Variants in SLC9A4 observed in about 807,000 individuals in gnomAD.
SLC9A4 encodes sodium/hydrogen exchanger 4.
A neutral mutation model predicts 67.4 loss-of-function variants in SLC9A4; 63 were observed. That is an observed-to-expected ratio of 0.93 (90% CI 0.76 to 1.15). The LOEUF is 1.15. SLC9A4 is among the 50% of genes most tolerant of loss of function. The probability of loss-of-function intolerance (pLI) is 0.00; values close to 1 mark genes in which losing one functional copy is unlikely to be tolerated. For synonymous variants in SLC9A4, 393 were observed against 367.2 expected (o/e 1.07, Z -0.80); for missense variants, 1,089 against 987.7 (o/e 1.10, Z -1.38).
At chr2:102,517,612 T>C (rs568358467) in intron 8 of SLC9A4, among the ~76,000 whole-genome samples, 4 of 152,308 alleles carry the variant, frequency 2.6e-5, no homozygotes, top group Admixed American at 6.5e-5. Context: ...TGAATGTTTC[T>C]AACATAAAGA....
chr2:102,528,837 A>G (rs1451969356), intron 11 of SLC9A4, among the ~76,000 whole-genome samples: 2 of 152,216 alleles, frequency 1.3e-5, no homozygotes, highest in Non-Finnish European at 2.9e-5. Context: ...AGGATATCTC[A>G]GTCACACTTT....
At position 102,520,003 on chromosome 2, in the gene SLC9A4, A is replaced by G. The variant is rs1487210981; in HGVS notation, c.1818+48A>G. 5 of 1,525,218 alleles carry G rather than the reference A, an allele frequency of 3.3e-6. No homozygotes were observed. In the African/African-American group the frequency reaches 6.8e-5, roughly 21 times the overall value. The allele number at this position is 1,525,218 out of a possible 1,614,324, so 94.5% of individuals were successfully genotyped here. A position where few individuals can be genotyped will look rare whatever the true frequency, so the allele number is the denominator to read the frequency against. On this transcript the variant is annotated intron_variant, in intron 9 of 11. Transcript: ENST00000295269. ...GTCCCCATTTTCTGTCCTTGAAAAC[A>G]GTCTCTGAAGGGGGAGTCTGTTGAT...
At chr2:102,517,921 G>C (rs146371571) in intron 8 of SLC9A4, among the ~76,000 whole-genome samples, 223 of 152,308 alleles carry the variant, frequency 1.5e-3, no homozygotes, top group South Asian at 7.3e-3. Context: ...ACTTGATATA[G>C]AAATGATCAC....
chr2:102,475,047 C>A (rs1389070317), intron 1 of SLC9A4, among the ~76,000 whole-genome samples: 2 of 152,178 alleles, frequency 1.3e-5, no homozygotes, highest in Non-Finnish European at 2.9e-5. Context: ...CCTTTAGACT[C>A]TCCTTTATAG....
intron 2 of SLC9A4, among the ~76,000 whole-genome samples, chr2:102,485,742 G>C (rs1419665130): frequency 6.6e-6 from 1 of 152,194 alleles, no homozygotes; most frequent in Non-Finnish European, 1.5e-5. Flanking sequence ...CCCTGGGGCT[G>C]GCCTGCTGCC....
intron 2 of SLC9A4, among the ~76,000 whole-genome samples, chr2:102,493,598 A>G (rs1257988334): frequency 6.6e-6 from 1 of 151,758 alleles, no homozygotes; most frequent in Non-Finnish European, 1.5e-5. Context: ...CACTCCCCTA[A>G]CACATAGGGA....
At chr2:102,514,358 T>C (rs1685231424) in intron 8 of SLC9A4, 107 bp downstream of exon 8, 1 of 681,764 alleles carries the variant, frequency 1.5e-6, no homozygotes, top group Non-Finnish European at 2.3e-6. Context: ...GGCAGAAATA[T>C]AAAGAAGAAA....
intron 8 of SLC9A4, among the ~76,000 whole-genome samples, chr2:102,516,851 A>G (rs6714379): frequency 0.81 from 123,518 of 152,138 alleles, 50,909 homozygotes; most frequent in African/African-American, 0.95. Flanking sequence ...CACATTTTTT[A>G]ATTAAAGTGA....
At chr2:102,476,982 C>T (rs1684347332) in intron 1 of SLC9A4, among the ~76,000 whole-genome samples, 2 of 152,142 alleles carry the variant, frequency 1.3e-5, no homozygotes, top group Non-Finnish European at 2.9e-5. Context: ...TAATTATACC[C>T]TGTTGTGTTA....
intron 9 of SLC9A4, among the ~76,000 whole-genome samples, chr2:102,522,404 G>A (rs1258584141): frequency 1.3e-5 from 2 of 152,144 alleles, no homozygotes; most frequent in Non-Finnish European, 2.9e-5. Context: ...CAGAAATGGA[G>A]GGAGAGGAGC....
intron 2 of SLC9A4, among the ~76,000 whole-genome samples, chr2:102,490,284 T>C (rs1405142806): frequency 6.6e-6 from 1 of 152,180 alleles, no homozygotes; most frequent in African/African-American, 2.4e-5. Context: ...TAGCAGAGAT[T>C]GGGGGGCTGA....
Position 102,508,838 on chromosome 2 carries a change from C to A in SLC9A4, c.1402-9C>A, listed in dbSNP as rs1282273675. 6 of 1,602,522 alleles carry A rather than the reference C, an allele frequency of 3.7e-6. No homozygotes were observed. The African/African-American group carries it at 4.1e-5, about 11-fold the overall frequency. ...AACAAAACCCTTTGTTTTGTTATTT[C>A]TGATCTAGGGAATCACAGTTGGCCC... On this transcript the variant is annotated splice_polypyrimidine_tract_variant and intron_variant, in intron 5 of 11. Coordinates refer to ENST00000295269, the MANE Select transcript of SLC9A4 (RefSeq NM_001011552.4).
In SLC9A4 at chr2:102,512,213, A is replaced by C. The variant is rs772109213; in HGVS notation, c.1499A>C (p.His500Pro). 6.2e-7 allele frequency: 1 copy of C among 1,613,956 alleles called. No homozygotes were observed. Among genetic ancestry groups the C allele is most frequent in the Non-Finnish European group, 8.5e-7 (1 of 1,179,910 alleles). Residue 500 changes from histidine to proline, a missense_variant, in exon 7 of 12, where the codon CAC (histidine) becomes CCC (proline). Transcript: ENST00000295269. The part of the protein sequence containing the change: ...NEELHIRLMD[H>P]LKAGIEDVCG... ...GTGTTTGTTTGGCAGCTGATGGATC[A>C]CTTAAAGGCTGGAATCGAAGATGTG...
intron 2 of SLC9A4, among the ~76,000 whole-genome samples, chr2:102,496,852 G>A (rs1419009498): frequency 6.6e-6 from 1 of 152,240 alleles, no homozygotes; most frequent in Non-Finnish European, 1.5e-5. Flanking sequence ...AATCATCATG[G>A]TGGATTAGCA....
chr2:102,515,407 TA>T (rs1312401918), intron 8 of SLC9A4, among the ~76,000 whole-genome samples: 155 of 148,684 alleles, frequency 1.0e-3, no homozygotes, highest in African/African-American at 2.9e-3. Context: ...TATACTGAGA[TA>T]ATCCCTGAGG....
intron 8 of SLC9A4, among the ~76,000 whole-genome samples, chr2:102,517,271 A>G (rs1192503136): frequency 6.6e-6 from 1 of 152,194 alleles, no homozygotes; most frequent in African/African-American, 2.4e-5. Context: ...TTGTCTTCTG[A>G]GCCCACTTTT....
At chr2:102,483,841 T>TATATATACACACACACACACAC (rs370126753) in intron 2 of SLC9A4, among the ~76,000 whole-genome samples, 1 of 126,780 alleles carries the variant, frequency 7.9e-6, no homozygotes, top group African/African-American at 3.1e-5. Flanking sequence ...TATATATATA[T>TATATATACACACACACACACAC]ACACACACAC....
intron 8 of SLC9A4, among the ~76,000 whole-genome samples, chr2:102,516,279 C>A (rs1046348306): frequency 2.0e-5 from 3 of 151,914 alleles, no homozygotes; most frequent in Non-Finnish European, 2.9e-5. Flanking sequence ...CCTCGTACAC[C>A]CCAAGCAGTT....
rs1674805244 is a variant in SLC9A4 at position 102,532,707 on chromosome 2, T to C, written c.*19T>C. 6.3e-7 allele frequency: 1 copy of C among 1,594,558 alleles called. No homozygotes were observed. Among genetic ancestry groups the C allele is most frequent in the Non-Finnish European group, 8.6e-7 (1 of 1,168,738 alleles). ...AAAATAGTGTTATTGTCCACAAGAT[T>C]GTTTTGGTGTTTCTCAAGAGTCTGT... is the stretch of plus-strand genomic sequence containing the variant. On this transcript the variant is annotated 3_prime_UTR_variant, in exon 12 of 12. Coordinates refer to ENST00000295269, the MANE Select transcript of SLC9A4 (RefSeq NM_001011552.4).
Sources: allele counts gnomAD v4.1 joint callset (sites outside exome capture counted in the v4.1 genomes callset), GRCh38; gene constraint gnomAD v4.1.1; transcripts MANE v1.5; gene names NCBI Gene and HGNC (gene_info 2026-07-23, HGNC 2026-07-21).